The following DOCK9 variants were observed in gnomAD, a reference collection of about 807,000 sequenced individuals.
DOCK9 encodes the protein dedicator of cytokinesis protein 9.
DOCK9 carries 89 observed loss-of-function variants against 263.3 expected under a neutral mutation model. The ratio of observed to expected loss-of-function variants is 0.34; its 90% CI spans 0.28 to 0.40. DOCK9 has a LOEUF of 0.40. Ranked by LOEUF, DOCK9 falls within the 10% of genes least tolerant of loss-of-function variation. The pLI, the probability that DOCK9 is intolerant of heterozygous loss-of-function variation, is 1.00. For missense variants in DOCK9, 2,140 were observed against 2,603.4 expected (o/e 0.82, Z 3.87); for synonymous variants, 976 against 973.1 (o/e 1.00, Z -0.06).
Position 98,858,554 on chromosome 13 carries a change from A to C in DOCK9, c.3697+1851T>G, listed in dbSNP as rs544069214. On this transcript the variant is annotated intron_variant, in intron 33 of 52. Coordinates refer to ENST00000682017, the MANE Select transcript of DOCK9 (RefSeq NM_001366683.2). The stretch of plus-strand genomic sequence containing the variant: ...AGAATTGTTAAAGCTGCCAGAAAAA[A>C]ACTAGTAAACCCAGTTCAAAGATGA... The C allele has an allele frequency of 3.3e-5, 5 of 152,370 alleles. No homozygotes were observed. In the East Asian group the frequency reaches 9.6e-4, roughly 29 times the overall value. The allele number at this position is 152,370 out of a possible 1,614,324, so 9.4% of individuals were successfully genotyped here. A position where few individuals can be genotyped will look rare whatever the true frequency, so the allele number is the denominator to read the frequency against.
intron 36 of DOCK9, 58 bp from the exon 37 acceptor site, chr13:98,848,697 GTTATTTATCTGTTAACA>G: frequency 6.7e-7 from 1 of 1,497,098 alleles, no homozygotes; most frequent in Non-Finnish European, 9.2e-7. Flanking sequence ...TTTTCGGGAC[GTTATTTATCTGTTAACA>G]ATAACAAATT....
At chr13:98,928,098 T>G (rs546010969) in intron 3 of DOCK9, among the ~76,000 whole-genome samples, 1 of 150,708 alleles carries the variant, frequency 6.6e-6, no homozygotes, top group Non-Finnish European at 1.5e-5. Flanking sequence ...ACCATCTACA[T>G]AGCAGGCATT....
rs35703620 is a variant in DOCK9 at position 98,947,410 on chromosome 13, T to TA, written c.243+8024dup. ...TTTTTAAGGACTATGTGATGATAAT[T>TA]AAAAAAAAAAATCAATCACTATTTC... On this transcript the variant is annotated intron_variant, in intron 2 of 52. Transcript: ENST00000682017. 4.0e-3 allele frequency among the ~76,000 whole-genome samples: 591 copies of TA among 148,106 alleles called. 2 individuals are homozygous for TA. Among genetic ancestry groups the TA allele is most frequent in the African/African-American group, 9.3e-3 (374 of 40,346 alleles).
At chr13:98,795,330 G>A (rs1172270488) in intron 52 of DOCK9, among the ~76,000 whole-genome samples, 2 of 152,162 alleles carry the variant, frequency 1.3e-5, no homozygotes, top group African/African-American at 4.8e-5. Flanking sequence ...CTACTCCTCT[G>A]ACCCTGAACA....
chr13:98,934,103 C>G (rs2054426473), intron 2 of DOCK9, among the ~76,000 whole-genome samples: 1 of 151,978 alleles, frequency 6.6e-6, no homozygotes, highest in Admixed American at 6.6e-5. Context: ...GGGGGTCTCA[C>G]CATTTTGTCC....
intron 33 of DOCK9, chr13:98,858,846 A>T (rs550102146): frequency 2.6e-5 from 4 of 152,316 alleles, no homozygotes; most frequent in African/African-American, 9.6e-5. Context: ...CCCAATCCTA[A>T]CAAGGTGAAT....
chr13:98,827,170 A>T (rs1322681205), intron 43 of DOCK9, among the ~76,000 whole-genome samples: 1 of 152,200 alleles, frequency 6.6e-6, no homozygotes, highest in East Asian at 1.9e-4. Context: ...TAAAAGCAGC[A>T]TTTTCCTCTT....
intron 27 of DOCK9, among the ~76,000 whole-genome samples, chr13:98,878,904 T>C (rs1594901755): frequency 6.6e-6 from 1 of 152,104 alleles, no homozygotes; most frequent in South Asian, 2.1e-4. Flanking sequence ...ATTCTGCCCC[T>C]CCCTCCCTAT....
At chr13:99,013,662 T>C (rs967285618) in intron 1 of DOCK9, among the ~76,000 whole-genome samples, 2 of 152,002 alleles carry the variant, frequency 1.3e-5, no homozygotes, top group African/African-American at 4.8e-5. Flanking sequence ...GGAGATGTCC[T>C]GGGAAGTAGA....
intron 30 of DOCK9, among the ~76,000 whole-genome samples, chr13:98,866,268 T>C (rs2094020815): frequency 6.6e-6 from 1 of 152,160 alleles, no homozygotes; most frequent in Non-Finnish European, 1.5e-5. Context: ...CCGGGGATTG[T>C]CATCCAGGTT....
At chr13:99,036,448 C>A (rs1214852598) in intron 1 of DOCK9, among the ~76,000 whole-genome samples, 1 of 152,108 alleles carries the variant, frequency 6.6e-6, no homozygotes, top group Non-Finnish European at 1.5e-5. Flanking sequence ...CTCATCAGAA[C>A]CCAACCATGC....
Position 98,797,220 on chromosome 13 carries a change from C to A in DOCK9, c.6051G>T (p.Ala2017=), listed in dbSNP as rs777486006. 6.2e-7 allele frequency: 1 copy of A among 1,613,966 alleles called. No homozygotes were observed. The highest frequency in any genetic ancestry group is 1.7e-5 in the Admixed American group (1 of 60,010). The change falls in exon 52 of 53, where the codon GCG becomes GCT. Residue 2017 remains alanine, a synonymous_variant. Coordinates refer to ENST00000682017, the MANE Select transcript of DOCK9 (RefSeq NM_001366683.2). ...QFVEACGQAL[A]VNERLIKEDQ... is the part of the protein sequence containing the mutation. ...CTTCTTTAATCAGACGTTCGTTTACCGCTAAGGCTTGACCGCAAGCTTCCA... is the reference window on the plus strand; with the variant it reads ...CTTCTTTAATCAGACGTTCGTTTACAGCTAAGGCTTGACCGCAAGCTTCCA...
In DOCK9 at chr13:98,863,399, G is replaced by T; in HGVS notation, c.3436C>A (p.His1146Asn). ...ISVLKNLLIK[H>N]SFDDRYASRS... ...GAAGCATATCTGTCATCAAAAGAAT[G>T]CTTTATCAGCAGGTTCTTGAGCACA... The change falls in exon 31 of 53, where the codon CAT (histidine) becomes AAT (asparagine). Residue 1146 changes from histidine (H) to asparagine (N), a missense_variant. Around this residue, in one of 2 missense-constraint regions of DOCK9, gnomAD observed 1,521 missense variants for 1,741.7 expected, o/e 0.87. Transcript: ENST00000682017. 6.2e-7 allele frequency: 1 copy of T among 1,613,926 alleles called. No homozygotes were observed. Among genetic ancestry groups the T allele is most frequent in the Non-Finnish European group, 8.5e-7 (1 of 1,179,882 alleles).
intron 9 of DOCK9, 138 bp downstream of exon 9, chr13:98,914,190 T>C: frequency 1.4e-6 from 1 of 716,524 alleles, no homozygotes; most frequent in South Asian, 2.0e-5. Flanking sequence ...CGTCACCTCG[T>C]AATCAGGTCA....
chr13:98,894,570 G>C (rs1268996504), intron 15 of DOCK9, among the ~76,000 whole-genome samples: 1 of 151,902 alleles, frequency 6.6e-6, no homozygotes, highest in African/African-American at 2.4e-5. Context: ...CCCACCTCAT[G>C]GTTATTAAGA....
intron 1 of DOCK9, among the ~76,000 whole-genome samples, chr13:98,972,384 T>G (rs1023233851): frequency 2.0e-5 from 3 of 150,508 alleles, no homozygotes; most frequent in African/African-American, 7.4e-5. Context: ...CGGAGCTGGG[T>G]GGATTTTAGT....
chr13:98,874,605 C>T (rs928122787), intron 27 of DOCK9, among the ~76,000 whole-genome samples: 10 of 152,184 alleles, frequency 6.6e-5, no homozygotes, highest in Admixed American at 3.3e-4. Context: ...CCACCTTATC[C>T]TCCCAATGCC....
At chr13:98,908,673 C>T (rs976229415) in intron 9 of DOCK9, among the ~76,000 whole-genome samples, 2 of 151,922 alleles carry the variant, frequency 1.3e-5, no homozygotes, top group African/African-American at 4.8e-5. Flanking sequence ...ACTTAAAAAC[C>T]TTACATATGT....
chr13:98,885,265 T>C (rs991185834), intron 20 of DOCK9, 173 bp from the exon 21 acceptor site: 4 of 920,456 alleles, frequency 4.3e-6, no homozygotes, highest in African/African-American at 3.4e-5. Flanking sequence ...ACAATGTACT[T>C]AGGCCTTTTC....
Sources: gnomAD v4.1 joint callset for allele counts (sites outside exome capture counted in the v4.1 genomes callset) on GRCh38, gnomAD v4.1.1 for gene constraint, gnomAD v4.1.1 regional missense constraint, MANE v1.5 for transcripts, NCBI Gene and HGNC (gene_info 2026-07-23, HGNC 2026-07-21) for gene names.